Variants in MBP observed in about 807,000 individuals in gnomAD.
MBP encodes the protein Golli-MBP.
Under a neutral mutation model 35.8 loss-of-function variants are expected in MBP, and 16 were observed. That is an observed-to-expected ratio of 0.45 (90% CI 0.30 to 0.68). MBP has a LOEUF of 0.68. Ranked by LOEUF, MBP falls within the 30% of genes least tolerant of loss-of-function variation. The pLI is 0.08. For missense variants in MBP, 380 were observed against 404.7 expected (o/e 0.94, Z 0.52); for synonymous variants, 143 against 159.6 (o/e 0.90, Z 0.78).
chr18:77,085,747 C>T (rs908721799), intron 2 of MBP, among the ~76,000 whole-genome samples: 5 of 145,154 alleles, frequency 3.4e-5, no homozygotes, highest in African/African-American at 1.3e-4. Flanking sequence ...AGCAGTGGCG[C>T]AATTTCGGCT....
chr18:77,053,527 T>C (rs1973595522), intron 3 of MBP, among the ~76,000 whole-genome samples: 1 of 151,310 alleles, frequency 6.6e-6, no homozygotes, highest in Non-Finnish European at 1.5e-5. Flanking sequence ...CCACATGCTA[T>C]GTGCACACAT....
chr18:77,120,969 T>C (rs1367320777), intron 1 of MBP, among the ~76,000 whole-genome samples: 1 of 152,210 alleles, frequency 6.6e-6, no homozygotes, highest in East Asian at 1.9e-4. Flanking sequence ...GTTTTTGAAA[T>C]TGTGTGAAAC....
At chr18:77,072,914 C>T (rs1205172241) in intron 2 of MBP, among the ~76,000 whole-genome samples, 1 of 152,242 alleles carries the variant, frequency 6.6e-6, no homozygotes, top group Admixed American at 6.5e-5. Flanking sequence ...GACGCCTGGC[C>T]TGTTCAGCCA....
intron 4 of MBP, chr18:77,003,319 G>A (rs1327997675): frequency 1.3e-5 from 2 of 152,164 alleles, no homozygotes; most frequent in African/African-American, 4.8e-5. Flanking sequence ...GCACATGGCG[G>A]GTTTTTGCAC....
At chr18:76,998,369 T>C (rs536789382) in intron 4 of MBP, among the ~76,000 whole-genome samples, 1 of 152,220 alleles carries the variant, frequency 6.6e-6, no homozygotes, top group East Asian at 1.9e-4. Flanking sequence ...CTGAACGACA[T>C]CCACGGCACC....
intron 2 of MBP, among the ~76,000 whole-genome samples, chr18:77,072,807 C>T (rs1371987865): frequency 6.6e-6 from 1 of 152,232 alleles, no homozygotes; most frequent in Non-Finnish European, 1.5e-5. Context: ...CTCCCTCCAC[C>T]TCAGTATCCC....
rs1283633298 is a variant in MBP at position 76,980,083 on chromosome 18, G to A, written c.*344C>T. 4 of 697,990 alleles carry A rather than the reference G, an allele frequency of 5.7e-6. 1 individual carries two copies. The highest frequency in any genetic ancestry group is 5.2e-6 in the Non-Finnish European group (2 of 383,778). 43.2% of individuals were successfully genotyped at this position (697,990 alleles called of 1,614,324 possible). On this transcript the variant is annotated 3_prime_UTR_variant, in exon 9 of 9. Coordinates refer to ENST00000355994, the MANE Select transcript of MBP (RefSeq NM_001025101.2). ...AAAAGCGCAAGGGTGCCGCAGCCAC[G>A]GCGAAAAGAAAGTCCAAGGGTGGAG...
At chr18:77,063,894 ATATGTGTGTGTGTG>A (rs1194727147) in intron 3 of MBP, among the ~76,000 whole-genome samples, 1 of 107,622 alleles carries the variant, frequency 9.3e-6, no homozygotes, top group Non-Finnish European at 1.9e-5. Flanking sequence ...ATACCTATAC[ATATGTGTGTGTGTG>A]TGTGTGTGTG....
chr18:76,980,324 A>C lies in MBP; in HGVS notation c.*103T>G. 1 of 1,057,140 alleles carries C rather than the reference A, an allele frequency of 9.5e-7. No individual in the cohort carries two copies. Among genetic ancestry groups the C allele is most frequent in the South Asian group, 1.3e-5 (1 of 79,876 alleles). 65.5% of individuals were successfully genotyped at this position (1,057,140 alleles called of 1,614,324 possible). On this transcript the variant is annotated 3_prime_UTR_variant, in exon 9 of 9. Transcript: ENST00000355994. ...TGCACAACTCCGCAGGCATTAGGGG[A>C]GGGGTCATCTGCTCTAATTAGGTAA...
At chr18:76,985,084 A>G (rs62105660) in intron 7 of MBP, 190 bp from the exon 8 acceptor site, 73,484 of 1,513,078 alleles carry the variant, frequency 0.049, 2,084 homozygotes, top group South Asian at 0.055. Context: ...CCCCAGGTCT[A>G]CCAGGGTGTT....
At chr18:77,091,607 ACACC>A (rs1474807807) in intron 2 of MBP, among the ~76,000 whole-genome samples, 4 of 150,250 alleles carry the variant, frequency 2.7e-5, no homozygotes, top group African/African-American at 7.3e-5. Context: ...ACACACACAC[ACACC>A]CACCCACCCA....
intron 3 of MBP, among the ~76,000 whole-genome samples, chr18:77,034,676 C>T (rs1339275369): frequency 2.6e-5 from 4 of 152,146 alleles, no homozygotes; most frequent in African/African-American, 7.2e-5. Context: ...GATTAGAAGA[C>T]GGAAATTAAT....
At chr18:77,088,204 A>C (rs1612497) in intron 2 of MBP, among the ~76,000 whole-genome samples, 151,271 of 152,294 alleles carry the variant, frequency 0.99, 75,135 homozygotes, top group Middle Eastern at 1. Context: ...AACCCTTCCT[A>C]CCGGTTCTGC....
At chr18:77,115,124 C>T (rs1976614712) in intron 1 of MBP, 1 of 152,228 alleles carries the variant, frequency 6.6e-6, no homozygotes, top group Non-Finnish European at 1.5e-5. Context: ...ACCCGTATGT[C>T]CCTCCTGAGC....
chr18:77,131,251 G>A lies in MBP; in HGVS notation c.-26+1329C>T, dbSNP rs1400808043. 6.6e-6 allele frequency among the ~76,000 whole-genome samples: 1 copy of A among 152,148 alleles called. No homozygotes were observed. The highest frequency in any genetic ancestry group is 1.5e-5 in the Non-Finnish European group (1 of 68,036). On this transcript the variant is annotated intron_variant, in intron 1 of 8. Coordinates refer to ENST00000355994, the MANE Select transcript of MBP (RefSeq NM_001025101.2). The surrounding 1 kb of genome is among the most constrained non-coding windows in gnomAD (Gnocchi z 5.5). ...GCTCATCACTGGAGGTGGCCGCCAG[G>A]GAGCTCAGTGCGGGACCTGCTCAAT...
At chr18:76,992,438 G>A (rs1019168960) in intron 4 of MBP, among the ~76,000 whole-genome samples, 1 of 152,136 alleles carries the variant, frequency 6.6e-6, no homozygotes, top group Admixed American at 6.5e-5. Context: ...GTTTCTAACA[G>A]GCCACAGAGC....
chr18:77,082,283 T>C (rs895658185), intron 2 of MBP, among the ~76,000 whole-genome samples: 3 of 152,262 alleles, frequency 2.0e-5, no homozygotes, highest in African/African-American at 7.2e-5. Context: ...AATGAAGGAC[T>C]GGTACGTGCT....
At chr18:76,987,740 C>T in intron 7 of MBP, 2 of 1,001,668 alleles carry the variant, frequency 2.0e-6, no homozygotes, top group Non-Finnish European at 2.4e-6. Flanking sequence ...AAAATTATAA[C>T]TTTTATACAG....
At chr18:76,985,744 T>C in intron 7 of MBP, 1 of 1,003,602 alleles carries the variant, frequency 1.0e-6, no homozygotes, top group Non-Finnish European at 1.2e-6. Flanking sequence ...GGAACCTCTC[T>C]GAGCTTCAGT....
Sources: gnomAD v4.1 joint callset for allele counts (sites outside exome capture counted in the v4.1 genomes callset) on GRCh38, gnomAD v4.1.1 for gene constraint, Gnocchi (gnomAD v3.1) non-coding constraint, MANE v1.5 for transcripts, NCBI Gene and HGNC (gene_info 2026-07-23, HGNC 2026-07-21) for gene names.